The following OLFM3 variants were observed in gnomAD, a reference collection of about 807,000 sequenced individuals.
OLFM3 encodes noelin-3.
Under a neutral mutation model 48.6 loss-of-function variants are expected in OLFM3, and 20 were observed. The ratio of observed to expected loss-of-function variants is 0.41; its 90% CI spans 0.29 to 0.60. OLFM3 has a LOEUF of 0.60. Ranked by LOEUF, OLFM3 falls within the 20% of genes least tolerant of loss-of-function variation. The pLI is 0.28. For missense variants in OLFM3, 437 were observed against 544.3 expected, an observed-to-expected ratio of 0.80 and a Z score of 1.96; for synonymous variants, 222 against 198.1, an observed-to-expected ratio of 1.12 and a Z score of -1.01.
At position 101,944,047 on chromosome 1, in the gene OLFM3, T is replaced by TTA. The variant is rs971766509; in HGVS notation, c.69+52699_69+52700dup. ...ATCCATATCTAGGTTGTATATATTT[T>TTA]TATATATATATATAGTGGGAATACA... On this transcript the variant is annotated intron_variant, in intron 1 of 5. Coordinates refer to ENST00000370103, the MANE Select transcript of OLFM3 (RefSeq NM_058170.4). 7.8e-4 allele frequency among the ~76,000 whole-genome samples: 116 copies of TTA among 149,392 alleles called. 1 individual carries two copies. The highest frequency in any genetic ancestry group is 2.6e-3 in the African/African-American group (107 of 40,886).
rs575388748 is a variant in OLFM3 at position 101,944,106 on chromosome 1, G to A, written c.69+52642C>T. The stretch of plus-strand genomic sequence containing the variant: ...CATATATAATATATACACATACATA[G>A]CAGTAACTAGATTACTGATGGACCA... On this transcript the variant is annotated intron_variant, in intron 1 of 5. Coordinates refer to ENST00000370103, the MANE Select transcript of OLFM3 (RefSeq NM_058170.4). Among the ~76,000 whole-genome samples, 4 of 150,766 alleles carry A rather than the reference G, an allele frequency of 2.7e-5. No individual in the cohort carries two copies. The South Asian group carries it at 8.3e-4, about 31-fold the overall frequency.
At chr1:101,824,976 TTGAAAC>T (rs1161609622) in intron 4 of OLFM3, 44 bp downstream of exon 4, 1 of 1,508,036 alleles carries the variant, frequency 6.6e-7, no homozygotes, top group Non-Finnish European at 9.2e-7. Flanking sequence ...ACAATTTTCT[TTGAAAC>T]TATATAAAAA....
At chr1:101,919,902 A>G (rs1308742711) in intron 1 of OLFM3, among the ~76,000 whole-genome samples, 1 of 152,186 alleles carries the variant, frequency 6.6e-6, no homozygotes, top group Non-Finnish European at 1.5e-5. Context: ...CAGGAACAAA[A>G]CAAAATTGCA....
chr1:101,806,869 C>A (rs1332981288), intron 4 of OLFM3, among the ~76,000 whole-genome samples: 1 of 151,654 alleles, frequency 6.6e-6, no homozygotes, highest in Non-Finnish European at 1.5e-5. Context: ...TAATACGTGA[C>A]AAAAAGACTT....
chr1:101,939,683 G>A (rs556751211), intron 1 of OLFM3, among the ~76,000 whole-genome samples: 26 of 152,294 alleles, frequency 1.7e-4, no homozygotes, highest in African/African-American at 6.0e-4. Flanking sequence ...AAATTAAAGC[G>A]ATGCAGGATT....
chr1:101,831,295 G>C (rs139568155), intron 2 of OLFM3, among the ~76,000 whole-genome samples: 160 of 152,226 alleles, frequency 1.1e-3, no homozygotes, highest in African/African-American at 3.6e-3. Flanking sequence ...AGTTCTTAAT[G>C]GGTCTAAAGT....
chr1:101,807,832 T>TA (rs1296496541), intron 4 of OLFM3, among the ~76,000 whole-genome samples: 1 of 151,818 alleles, frequency 6.6e-6, no homozygotes, highest in African/African-American at 2.4e-5. Context: ...TTTATGACAT[T>TA]ATCTATGGAA....
intron 1 of OLFM3, among the ~76,000 whole-genome samples, chr1:101,996,204 C>T (rs1476497918): frequency 6.6e-6 from 1 of 152,150 alleles, no homozygotes; most frequent in African/African-American, 2.4e-5. Flanking sequence ...CTTTCACCAA[C>T]GCCTCTCAGC....
intron 4 of OLFM3, among the ~76,000 whole-genome samples, chr1:101,816,635 C>T (rs1654350142): frequency 6.6e-6 from 1 of 152,126 alleles, no homozygotes; most frequent in South Asian, 2.1e-4. Flanking sequence ...TGAAGTTGGA[C>T]AATGCCTTAT....
At chr1:101,828,146 C>T (rs1384149234) in intron 3 of OLFM3, among the ~76,000 whole-genome samples, 1 of 151,860 alleles carries the variant, frequency 6.6e-6, no homozygotes, top group Admixed American at 6.6e-5. Flanking sequence ...CTGAGGCCTC[C>T]CCAGCCATGC....
rs1661525245 is a variant in OLFM3, at chr1:101,995,212, C to T, written c.69+1536G>A. 5.9e-5 allele frequency among the ~76,000 whole-genome samples: 9 copies of T among 152,046 alleles called. No individual in the cohort carries two copies. In the South Asian group the frequency reaches 1.7e-3, roughly 28 times the overall value. On this transcript the variant is annotated intron_variant, in intron 1 of 5. Coordinates refer to ENST00000370103, the MANE Select transcript of OLFM3 (RefSeq NM_058170.4). ...TTTTCTGCAGTAACTTAGTGATTAA[C>T]TTTGCTTTTAGAAAATGTTTTACCA...
intron 1 of OLFM3, chr1:101,894,190 G>T (rs941699736): frequency 6.5e-6 from 1 of 152,898 alleles, no homozygotes; most frequent in Middle Eastern, 1.2e-3. Flanking sequence ...ATTAAAGGAA[G>T]AATAAATACA....
chr1:101,819,172 C>T (rs1654480802), intron 4 of OLFM3, among the ~76,000 whole-genome samples: 1 of 151,914 alleles, frequency 6.6e-6, no homozygotes, highest in South Asian at 2.1e-4. Context: ...GGAAGGGTGT[C>T]CCATGACAAG....
At chr1:101,818,106 A>T (rs1654422615) in intron 4 of OLFM3, among the ~76,000 whole-genome samples, 1 of 151,972 alleles carries the variant, frequency 6.6e-6, no homozygotes, top group Non-Finnish European at 1.5e-5. Context: ...AACTCCCTTG[A>T]CTCTTCCTTT....
chr1:101,902,098 A>G (rs1023263942), intron 1 of OLFM3, among the ~76,000 whole-genome samples: 2 of 152,020 alleles, frequency 1.3e-5, no homozygotes, highest in Non-Finnish European at 2.9e-5. Flanking sequence ...ATAGAACTAG[A>G]TATAGAAAAG....
At chr1:101,936,074 C>T (rs983724622) in intron 1 of OLFM3, among the ~76,000 whole-genome samples, 1 of 152,032 alleles carries the variant, frequency 6.6e-6, no homozygotes, top group Non-Finnish European at 1.5e-5. Flanking sequence ...GATAAGGAGG[C>T]CCACTCTAAC....
chr1:101,871,472 T>C (rs1353437569), intron 1 of OLFM3, among the ~76,000 whole-genome samples: 2 of 152,076 alleles, frequency 1.3e-5, no homozygotes, highest in African/African-American at 4.8e-5. Flanking sequence ...AAATATTGAG[T>C]GGTTTAGCTG....
rs373415456 is a variant in OLFM3 at position 101,990,963 on chromosome 1, C to T, written c.69+5785G>A. 2.3e-3 allele frequency among the ~76,000 whole-genome samples: 263 copies of T among 114,004 alleles called. No homozygotes were observed. The South Asian group carries it at 0.029, about 13-fold the overall frequency. 74.8% of individuals were successfully genotyped at this position (114,004 alleles called of 152,430 possible). On this transcript the variant is annotated intron_variant, in intron 1 of 5. Transcript: ENST00000370103. ...TTGTGCCACTGCACTCCAGCCTGGG[C>T]GACAGAGCGAGACTCTGTCAAAAAG...
At chr1:101,817,574 G>T (rs937099387) in intron 4 of OLFM3, among the ~76,000 whole-genome samples, 1 of 152,116 alleles carries the variant, frequency 6.6e-6, no homozygotes, top group Non-Finnish European at 1.5e-5. Flanking sequence ...TTGGACTAAC[G>T]AAGTGTAAAA....
Sources: gnomAD v4.1 joint callset for allele counts (sites outside exome capture counted in the v4.1 genomes callset) on GRCh38, gnomAD v4.1.1 for gene constraint, MANE v1.5 for transcripts, NCBI Gene and HGNC (gene_info 2026-07-23, HGNC 2026-07-21) for gene names.